The following NRXN1 variants were observed in gnomAD, a reference collection of about 807,000 sequenced individuals.
The protein encoded by NRXN1 is neurexin 1, also known as neurexin-1.
NRXN1 carries 39 observed loss-of-function variants against 150.9 expected under a neutral mutation model. The ratio of observed to expected loss-of-function variants is 0.26; its 90% CI spans 0.20 to 0.34. The LOEUF (loss-of-function observed/expected upper bound fraction) is 0.34. Among genes scored for constraint, NRXN1 ranks in the 10% least tolerant of loss-of-function variants. NRXN1 has a pLI of 1.00. For synonymous variants in NRXN1, 924 were observed against 757.0 expected, an observed-to-expected ratio of 1.22 and a Z score of -3.62; for missense variants, 1,815 against 1,949.9, an observed-to-expected ratio of 0.93 and a Z score of 1.30.
In NRXN1 at chr2:50,717,521, G is replaced by A. The variant is rs182207891; in HGVS notation, c.833-93906C>T. ...TTCTCTTGACATTTCTACACGACAA[G>A]ACTATGAAGGCTATTTTTAAAGTAT... is the stretch of plus-strand genomic sequence containing the variant. On this transcript the variant is annotated intron_variant, in intron 5 of 22. Coordinates refer to ENST00000401669, the MANE Select transcript of NRXN1 (RefSeq NM_001330078.2). Among the ~76,000 whole-genome samples, 248 of 152,240 alleles carry A rather than the reference G, an allele frequency of 1.6e-3. 1 individual carries two copies. Among genetic ancestry groups the A allele is most frequent in the African/African-American group, 5.8e-3 (242 of 41,536 alleles).
intron 18 of NRXN1, among the ~76,000 whole-genome samples, chr2:50,118,925 TG>T (rs1703458257): frequency 6.6e-6 from 1 of 152,050 alleles, no homozygotes; most frequent in Non-Finnish European, 1.5e-5. Context: ...TATTTTTGTT[TG>T]GGAAAAATTC....
chr2:50,713,559 A>G (rs1393325449), intron 5 of NRXN1, among the ~76,000 whole-genome samples: 2 of 152,142 alleles, frequency 1.3e-5, no homozygotes, highest in African/African-American at 4.8e-5. Flanking sequence ...CAGCATGGAG[A>G]GAGAAAAAAA....
chr2:50,568,080 T>G (rs1039552979), intron 8 of NRXN1, among the ~76,000 whole-genome samples: 2 of 152,166 alleles, frequency 1.3e-5, no homozygotes, highest in African/African-American at 4.8e-5. Flanking sequence ...TACAGAGTGC[T>G]TGTTCCTAAC....
chr2:50,102,224 A>T (rs1293988465), intron 18 of NRXN1, among the ~76,000 whole-genome samples: 4 of 152,028 alleles, frequency 2.6e-5, no homozygotes, highest in Non-Finnish European at 5.9e-5. Flanking sequence ...TTCACAAAAC[A>T]GTAATACCTC....
At chr2:50,214,222 G>C (rs914620132) in intron 18 of NRXN1, among the ~76,000 whole-genome samples, 4 of 151,792 alleles carry the variant, frequency 2.6e-5, no homozygotes, top group African/African-American at 9.7e-5. Context: ...ATCAGGCCAG[G>C]GCAAGGATAA....
intron 5 of NRXN1, among the ~76,000 whole-genome samples, chr2:50,846,256 T>C (rs1673638404): frequency 6.6e-6 from 1 of 152,142 alleles, no homozygotes; most frequent in African/African-American, 2.4e-5. Flanking sequence ...TCTTACTGAA[T>C]TCTCAGCAAC....
At chr2:51,003,486 T>G (rs1700320922) in intron 2 of NRXN1, among the ~76,000 whole-genome samples, 1 of 151,990 alleles carries the variant, frequency 6.6e-6, no homozygotes, top group Non-Finnish European at 1.5e-5. Context: ...AATATCACAT[T>G]TAATCATCAA....
chr2:50,007,623 G>A (rs1386453860), intron 21 of NRXN1, among the ~76,000 whole-genome samples: 7 of 152,052 alleles, frequency 4.6e-5, no homozygotes, highest in Admixed American at 3.3e-4. Context: ...TCTTTATCCA[G>A]TCTATCATTG....
chr2:50,307,500 T>C lies in NRXN1; in HGVS notation c.3365-70530A>G, dbSNP rs140544393. On this transcript the variant is annotated intron_variant, in intron 17 of 22. Coordinates refer to ENST00000401669, the MANE Select transcript of NRXN1 (RefSeq NM_001330078.2). ...ATGGCATTACTCTTGGTCATCTGAG[T>C]AGAATGCAGAAAGGTTGCAAATGAA... Among the ~76,000 whole-genome samples, 582 of 152,282 alleles carry C rather than the reference T, an allele frequency of 3.8e-3. 1 individual carries two copies. The highest frequency in any genetic ancestry group is 0.013 in the African/African-American group (553 of 41,536).
intron 2 of NRXN1, among the ~76,000 whole-genome samples, chr2:51,014,920 A>G (rs11887973): frequency 0.23 from 34,637 of 151,932 alleles, 4,763 homozygotes; most frequent in African/African-American, 0.39. Context: ...AAAAATTCCA[A>G]TGATACACTG....
chr2:50,476,960 A>T (rs1349911313), intron 15 of NRXN1, among the ~76,000 whole-genome samples: 2 of 152,300 alleles, frequency 1.3e-5, no homozygotes, highest in East Asian at 3.9e-4. Context: ...TTAGAAAATC[A>T]GAGAAATAAC....
chr2:50,351,220 G>A (rs1385152599), intron 17 of NRXN1, among the ~76,000 whole-genome samples: 4 of 152,112 alleles, frequency 2.6e-5, no homozygotes, highest in Non-Finnish European at 4.4e-5. Flanking sequence ...CATGGTTTTT[G>A]GCTAACTGTA....
chr2:49,926,601 A>G (rs532993942), intron 22 of NRXN1, among the ~76,000 whole-genome samples: 1 of 152,352 alleles, frequency 6.6e-6, no homozygotes, highest in African/African-American at 2.4e-5. Context: ...GGCATATTCT[A>G]GTGCCTTGTC....
At chr2:50,853,491 G>T (rs1477148921) in intron 5 of NRXN1, among the ~76,000 whole-genome samples, 1 of 152,056 alleles carries the variant, frequency 6.6e-6, no homozygotes, top group African/African-American at 2.4e-5. Flanking sequence ...TTTATTAGAA[G>T]AGATAGTACT....
chr2:50,157,669 T>G (rs2059107698), intron 18 of NRXN1, among the ~76,000 whole-genome samples: 1 of 151,840 alleles, frequency 6.6e-6, no homozygotes, highest in African/African-American at 2.4e-5. Context: ...ATAGACGAAA[T>G]GTTGTCCAGC....
intron 21 of NRXN1, chr2:49,973,992 C>A (rs1678450230): frequency 2.8e-6 from 2 of 717,340 alleles, no homozygotes; most frequent in Non-Finnish European, 5.2e-6. Context: ...AGTGCCATCT[C>A]ATATCCATGT....
chr2:49,989,053 AATTGT>A (rs1476038138), intron 21 of NRXN1, among the ~76,000 whole-genome samples: 4 of 152,130 alleles, frequency 2.6e-5, no homozygotes, highest in African/African-American at 9.7e-5. Context: ...GAGTAACTGT[AATTGT>A]ATGCTATTTT....
chr2:51,030,697 A>G (rs1295714312), intron 1 of NRXN1, among the ~76,000 whole-genome samples: 1 of 152,164 alleles, frequency 6.6e-6, no homozygotes, highest in African/African-American at 2.4e-5. Context: ...GTCTTCTCCT[A>G]TATCAAACCC....
At chr2:50,802,705 A>G (rs1230148205) in intron 5 of NRXN1, among the ~76,000 whole-genome samples, 1 of 152,114 alleles carries the variant, frequency 6.6e-6, no homozygotes, top group Non-Finnish European at 1.5e-5. Context: ...TCAAGTTAAA[A>G]TGAGGTCATT....
Sources: gnomAD v4.1 joint callset for allele counts (sites outside exome capture counted in the v4.1 genomes callset) on GRCh38, gnomAD v4.1.1 for gene constraint, MANE v1.5 for transcripts, NCBI Gene and HGNC (gene_info 2026-07-23, HGNC 2026-07-21) for gene names.